DNAJC8: variants seen among roughly 807,000 people sequenced by gnomAD.
DNAJC8 encodes the protein dnaJ homolog subfamily C member 8.
Under a neutral mutation model 43.2 loss-of-function variants are expected in DNAJC8, and 24 were observed. The observed-to-expected ratio is 0.56, with a 90% CI of 0.40 to 0.78. DNAJC8 has a LOEUF of 0.78. Among genes scored for constraint, DNAJC8 ranks in the 30% least tolerant of loss-of-function variants. DNAJC8 has a pLI of 0.00. For synonymous variants in DNAJC8, 83 were observed against 98.0 expected (o/e 0.85, Z 0.90); for missense variants, 207 against 299.4 (o/e 0.69, Z 2.28).
chr1:28,216,159 G>C (rs941701595), intron 2 of DNAJC8, among the ~76,000 whole-genome samples: 1 of 152,032 alleles, frequency 6.6e-6, no homozygotes, highest in Non-Finnish European at 1.5e-5. Flanking sequence ...GACGAGCCTG[G>C]CCAACATGGA....
chr1:28,210,889 G>A (rs377020732), intron 3 of DNAJC8, among the ~76,000 whole-genome samples: 1 of 152,210 alleles, frequency 6.6e-6, no homozygotes, highest in South Asian at 2.1e-4. Flanking sequence ...GACCAAACAT[G>A]CCAGGCACAG....
chr1:28,216,316 G>A (rs910319287), intron 2 of DNAJC8, among the ~76,000 whole-genome samples: 3 of 152,168 alleles, frequency 2.0e-5, no homozygotes, highest in African/African-American at 4.8e-5. Context: ...GCGAAGTCAC[G>A]TAAGATTTAC....
At chr1:28,224,911 A>C (rs1417848399) in intron 2 of DNAJC8, among the ~76,000 whole-genome samples, 1 of 145,432 alleles carries the variant, frequency 6.9e-6, no homozygotes, top group Non-Finnish European at 1.5e-5. Context: ...CAAAGAGCCA[A>C]ACACAGTGGC....
At chr1:28,220,553 T>A (rs1646891463) in intron 2 of DNAJC8, among the ~76,000 whole-genome samples, 1 of 152,184 alleles carries the variant, frequency 6.6e-6, no homozygotes, top group South Asian at 2.1e-4. Flanking sequence ...TAAACTCACA[T>A]ATGTAACAAG....
chr1:28,229,973 C>T (rs1051961735), intron 1 of DNAJC8, among the ~76,000 whole-genome samples: 4 of 152,172 alleles, frequency 2.6e-5, no homozygotes, highest in African/African-American at 7.2e-5. Flanking sequence ...CTTGGCCAGG[C>T]GGAGTAGCTG....
intron 1 of DNAJC8, among the ~76,000 whole-genome samples, chr1:28,231,980 C>T (rs1170110994): frequency 1.9e-4 from 29 of 152,098 alleles, no homozygotes; most frequent in Admixed American, 1.9e-3. Flanking sequence ...TGGTCTCGAT[C>T]TCCTGACCTC....
At chr1:28,225,331 A>C (rs1646926903) in intron 2 of DNAJC8, among the ~76,000 whole-genome samples, 1 of 151,534 alleles carries the variant, frequency 6.6e-6, no homozygotes, top group African/African-American at 2.4e-5. Flanking sequence ...AAAAGTCTTC[A>C]TATTGTATTT....
chr1:28,210,182 T>A, intron 4 of DNAJC8, 116 bp from the exon 5 acceptor site: 1 of 851,716 alleles, frequency 1.2e-6, no homozygotes, highest in Non-Finnish European at 1.9e-6. Flanking sequence ...TTTAATTATT[T>A]ACTGTCGTTA....
chr1:28,226,576 AT>A (rs1243310192), intron 2 of DNAJC8, among the ~76,000 whole-genome samples: 1 of 151,082 alleles, frequency 6.6e-6, no homozygotes, highest in African/African-American at 2.4e-5. Flanking sequence ...ATTATATGGA[AT>A]TTTTTTTACC....
intron 2 of DNAJC8, among the ~76,000 whole-genome samples, chr1:28,222,812 TG>T (rs1303491291): frequency 4.0e-5 from 6 of 151,678 alleles, no homozygotes; most frequent in Admixed American, 3.9e-4. Flanking sequence ...CAGCCTAACA[TG>T]GTGTACAAAG....
At chr1:28,225,047 CCT>C (rs1214483770) in intron 2 of DNAJC8, among the ~76,000 whole-genome samples, 1 of 151,130 alleles carries the variant, frequency 6.6e-6, no homozygotes, top group East Asian at 1.9e-4. Flanking sequence ...CTGAAAAACA[CCT>C]TTTTGGGACA....
chr1:28,224,540 T>A (rs1156347603), intron 2 of DNAJC8, among the ~76,000 whole-genome samples: 1 of 152,022 alleles, frequency 6.6e-6, no homozygotes, highest in Non-Finnish European at 1.5e-5. Context: ...AGTGTTGGAA[T>A]TACAGGTGTG....
At position 28,201,232 on chromosome 1, in the gene DNAJC8, C is replaced by T; in HGVS notation, c.*16G>A. ...AGATAGCAGGGGAAAGGTTCTGTGC[C>T]TGTGACCTTGGGCGGTCACTCACGT... On this transcript the variant is annotated 3_prime_UTR_variant, in exon 9 of 9. Coordinates refer to ENST00000263697, the MANE Select transcript of DNAJC8 (RefSeq NM_014280.3). 6.2e-7 allele frequency: 1 copy of T among 1,611,800 alleles called. No homozygotes were observed. Among genetic ancestry groups the T allele is most frequent in the Non-Finnish European group, 8.5e-7 (1 of 1,179,816 alleles).
At chr1:28,202,819 T>A (rs1021446287) in intron 8 of DNAJC8, among the ~76,000 whole-genome samples, 1 of 151,778 alleles carries the variant, frequency 6.6e-6, no homozygotes, top group African/African-American at 2.4e-5. Context: ...CCTGACCTCA[T>A]GATCTGCCCG....
At chr1:28,211,495 G>T (rs1646810393) in intron 3 of DNAJC8, among the ~76,000 whole-genome samples, 1 of 152,190 alleles carries the variant, frequency 6.6e-6, no homozygotes, top group Non-Finnish European at 1.5e-5. Context: ...TACTCAACCT[G>T]TACTAAGCAC....
intron 2 of DNAJC8, among the ~76,000 whole-genome samples, chr1:28,228,314 A>G (rs1343800757): frequency 7.2e-6 from 1 of 138,910 alleles, no homozygotes; most frequent in Non-Finnish European, 1.5e-5. Flanking sequence ...GCGCCACTGC[A>G]CTCCAGCCTG....
chr1:28,213,647 G>A (rs1167461600), intron 3 of DNAJC8, among the ~76,000 whole-genome samples: 1 of 152,044 alleles, frequency 6.6e-6, no homozygotes, highest in Non-Finnish European at 1.5e-5. Flanking sequence ...GCTAAGGAAA[G>A]TTTTTTTAAA....
intron 8 of DNAJC8, among the ~76,000 whole-genome samples, chr1:28,203,207 T>C (rs1326228057): frequency 1.3e-5 from 2 of 151,972 alleles, no homozygotes; most frequent in Non-Finnish European, 2.9e-5. Flanking sequence ...TAACCATGAG[T>C]CCTAAACCCT....
chr1:28,211,503 C>G (rs1646810549), intron 3 of DNAJC8, among the ~76,000 whole-genome samples: 1 of 152,218 alleles, frequency 6.6e-6, no homozygotes, highest in Non-Finnish European at 1.5e-5. Context: ...CTGTACTAAG[C>G]ACTAAGGTGG....
Sources: gnomAD v4.1 joint callset for allele counts (sites outside exome capture counted in the v4.1 genomes callset) on GRCh38, gnomAD v4.1.1 for gene constraint, MANE v1.5 for transcripts, NCBI Gene and HGNC (gene_info 2026-07-23, HGNC 2026-07-21) for gene names.